PUDP: variants seen among roughly 807,000 people sequenced by gnomAD.
PUDP encodes pseudouridine 5'-phosphatase, also known as pseudouridine-5'-phosphatase.
In PUDP, 8 loss-of-function variants were observed where a neutral mutation model predicts 9.4. The ratio of observed to expected loss-of-function variants is 0.85; its 90% CI spans 0.50 to 1.53. The LOEUF is 1.53. PUDP is among the 40% of genes most tolerant of loss of function. The pLI, the probability that PUDP is intolerant of heterozygous loss-of-function variation, is 0.00. For synonymous variants in PUDP, 99 were observed against 80.7 expected (o/e 1.23, Z -1.22); for missense variants, 188 against 189.7 (o/e 0.99, Z 0.05).
intron 2 of PUDP, among the ~76,000 whole-genome samples, chrX:7,081,824 A>G (rs920176406): frequency 2.7e-5 from 3 of 113,084 alleles, no homozygotes; most frequent in African/African-American, 6.4e-5. Context: ...GGAAAATGAC[A>G]TGGGTGAGGA....
At chrX:6,955,199 C>A (rs778150315) in intron 3 of PUDP, among the ~76,000 whole-genome samples, 1 of 109,971 alleles carries the variant, frequency 9.1e-6, no homozygotes, top group Non-Finnish European at 1.9e-5. Context: ...AGACCTTTGT[C>A]CTCTTTTAAC....
chrX:6,715,504 G>A (rs1271964558), intron 1 of PUDP, among the ~76,000 whole-genome samples: 2 of 112,206 alleles, frequency 1.8e-5, no homozygotes. Context: ...AATGATACAT[G>A]CCGGTATATT....
intron 1 of PUDP, among the ~76,000 whole-genome samples, chrX:7,023,328 C>T (rs1330646704): frequency 4.4e-4 from 49 of 111,912 alleles, no homozygotes; most frequent in African/African-American, 8.1e-4. Context: ...AATGTCTAGG[C>T]ATGCAAAGAA....
intron 3 of PUDP, among the ~76,000 whole-genome samples, chrX:6,841,054 G>A (rs1602641525): frequency 9.0e-6 from 1 of 111,653 alleles, no homozygotes; most frequent in Non-Finnish European, 1.9e-5. Flanking sequence ...CGAGGTGGGT[G>A]GATCACAAGG....
chrX:7,057,793 C>A, intron 3 of PUDP: 1 of 1,153,450 alleles, frequency 8.7e-7, no homozygotes, highest in East Asian at 3.3e-5. Flanking sequence ...CATTTCTGTG[C>A]GGTGAGCAGA....
At chrX:6,901,136 G>C (rs182555129) in intron 3 of PUDP, among the ~76,000 whole-genome samples, 83 of 111,860 alleles carry the variant, frequency 7.4e-4, no homozygotes, top group Non-Finnish European at 1.2e-3. Flanking sequence ...AAAATGAAAA[G>C]ATAAGCTTTC....
chrX:7,061,065 T>C (rs1489951306), intron 3 of PUDP, among the ~76,000 whole-genome samples: 1 of 111,514 alleles, frequency 9.0e-6, no homozygotes, highest in Non-Finnish European at 1.9e-5. Flanking sequence ...TAACCTGAGA[T>C]GCTGATGGAG....
intron 3 of PUDP, among the ~76,000 whole-genome samples, chrX:6,780,294 ATTC>A (rs1925539584): frequency 1.8e-5 from 2 of 110,164 alleles, no homozygotes; most frequent in African/African-American, 3.3e-5. Context: ...TATATATATA[ATTC>A]TTCTGAATTA....
At chrX:7,109,979 C>G (rs1461961048) in intron 1 of PUDP, among the ~76,000 whole-genome samples, 1 of 112,191 alleles carries the variant, frequency 8.9e-6, no homozygotes, top group Non-Finnish European at 1.9e-5. Flanking sequence ...GACCACTCCC[C>G]TCCTCCCAGC....
At chrX:7,051,361 G>A (rs1347559372) in intron 3 of PUDP, among the ~76,000 whole-genome samples, 1 of 110,947 alleles carries the variant, frequency 9.0e-6, no homozygotes, top group Non-Finnish European at 1.9e-5. Context: ...GAAGCCATAA[G>A]AATTCTATAT....
chrX:7,143,439 G>T (rs1438536488), intron 1 of PUDP, among the ~76,000 whole-genome samples: 1 of 112,024 alleles, frequency 8.9e-6, no homozygotes, highest in Non-Finnish European at 1.9e-5. Context: ...TTTTACACCT[G>T]CATGCCTAGA....
Position 6,710,114 on chromosome X carries a change from A to C in PUDP, n.129-3648T>G, listed in dbSNP as rs190075942. Among the ~76,000 whole-genome samples the C allele has an allele frequency of 9.1e-3, 1,015 of 112,091 alleles. 13 individuals are homozygous for C. The highest frequency in any genetic ancestry group is 0.032 in the African/African-American group (975 of 30,867). ...CTCCAGCCTGGGCGATAGAGCAAGAACCTGTCCAAAAACAACAACAACAAA... is the reference window on the plus strand; with the variant it reads ...CTCCAGCCTGGGCGATAGAGCAAGACCCTGTCCAAAAACAACAACAACAAA... On this transcript the variant is annotated intron_variant and non_coding_transcript_variant, in intron 1 of 2. Coordinates refer to the PUDP transcript ENST00000438499.
intron 1 of PUDP, among the ~76,000 whole-genome samples, chrX:7,017,402 ACTTCT>A (rs1011331693): frequency 2.7e-5 from 3 of 111,869 alleles, no homozygotes; most frequent in Non-Finnish European, 5.6e-5. Context: ...TTATTGTCAA[ACTTCT>A]CTTCTCAGGC....
chrX:6,942,164 C>T (rs1409552230), intron 3 of PUDP, among the ~76,000 whole-genome samples: 1 of 111,474 alleles, frequency 9.0e-6, no homozygotes, highest in South Asian at 3.7e-4. Flanking sequence ...ACACAATATA[C>T]GCATGTAAGA....
chrX:7,105,926 G>T (rs894505007), intron 1 of PUDP, 88 bp from the exon 2 acceptor site: 1 of 592,336 alleles, frequency 1.7e-6, no homozygotes. Flanking sequence ...CACTGTGTAG[G>T]TCTCATTCCA....
intron 3 of PUDP, among the ~76,000 whole-genome samples, chrX:6,906,429 G>A (rs138149817): frequency 0.017 from 1,922 of 112,305 alleles, 32 homozygotes; most frequent in African/African-American, 0.059. Flanking sequence ...CCCCCCAACC[G>A]TGTTTGCACT....
chrX:7,122,633 C>CT (rs1218602068), intron 1 of PUDP, among the ~76,000 whole-genome samples: 2 of 111,708 alleles, frequency 1.8e-5, no homozygotes, highest in South Asian at 3.8e-4. Context: ...AAGAGTCAAG[C>CT]TTTTTTCCAG....
At position 7,148,051 on chromosome X, in the gene PUDP, A is replaced by C; in HGVS notation, c.61+2T>G. The C allele has an allele frequency of 1.8e-6, 2 of 1,129,943 alleles. No individual in the cohort carries two copies. Among genetic ancestry groups the C allele is most frequent in the Non-Finnish European group, 2.3e-6 (2 of 852,039 alleles). 93.1% of individuals were successfully genotyped at this position (1,129,943 alleles called of 1,213,427 possible). ...TGGAGGCGGCGGCTGCACACTACCC[A>C]CCCAGAAGAAGTCCGTCCATGTCAA... On this transcript the variant is annotated splice_donor_variant, in intron 1 of 3. Transcript: ENST00000381077. LOFTEE classifies it high-confidence loss of function.
At chrX:6,909,810 T>G (rs906843013) in intron 3 of PUDP, among the ~76,000 whole-genome samples, 2 of 112,497 alleles carry the variant, frequency 1.8e-5, no homozygotes, top group Non-Finnish European at 3.8e-5. Flanking sequence ...GTATTCAAGC[T>G]GATTGATGGA....
Sources: gnomAD v4.1 joint callset for allele counts (sites outside exome capture counted in the v4.1 genomes callset) on GRCh38, gnomAD v4.1.1 for gene constraint, MANE v1.5 for transcripts, NCBI Gene and HGNC (gene_info 2026-07-23, HGNC 2026-07-21) for gene names.